The following MS4A18 variants were observed in gnomAD, a reference collection of about 807,000 sequenced individuals.
MS4A18 encodes the protein membrane spanning 4-domains A18.
Under a neutral mutation model 13.1 loss-of-function variants are expected in MS4A18, and 27 were observed. That is an observed-to-expected ratio of 2.06 (90% CI 1.52 to 2.84). MS4A18 has a LOEUF of 2.84. Among genes scored for constraint, MS4A18 ranks in the 30% most tolerant of loss-of-function variants. The pLI is 0.00. For missense variants in MS4A18, 307 were observed against 196.4 expected, an observed-to-expected ratio of 1.56 and a Z score of -3.37; for synonymous variants, 126 against 76.5, an observed-to-expected ratio of 1.65 and a Z score of -3.38.
At chr11:60,727,250 T>G (rs756922274), upstream of MS4A18, among the ~76,000 whole-genome samples, 1 of 152,336 alleles carries the variant, frequency 6.6e-6, no homozygotes, top group East Asian at 1.9e-4. Flanking sequence ...AGAACAAATG[T>G]TAACTGTTCC....
chr11:60,735,488 C>T (rs576471252), intron 2 of MS4A18, among the ~76,000 whole-genome samples: 19 of 148,700 alleles, frequency 1.3e-4, no homozygotes, highest in African/African-American at 4.2e-4. Flanking sequence ...CGCCTGCCAC[C>T]GTGCCCGGCT....
chr11:60,729,342 C>A, exon 1 of MS4A18: 1 of 702,764 alleles, frequency 1.4e-6, no homozygotes, highest in Non-Finnish European at 2.6e-6. Flanking sequence ...TTGGAGCCAA[C>A]AGTGTACCTG....
intron 3 of MS4A18, among the ~76,000 whole-genome samples, chr11:60,737,728 C>G (rs1853361893): frequency 6.6e-6 from 1 of 152,182 alleles, no homozygotes; most frequent in Non-Finnish European, 1.5e-5. Flanking sequence ...TTCTCAGGTC[C>G]TCCTTCCCCT....
At chr11:60,736,940 A>G in intron 2 of MS4A18, 38 bp from the exon 4 acceptor site, 1 of 693,290 alleles carries the variant, frequency 1.4e-6, no homozygotes, top group Non-Finnish European at 2.6e-6. Context: ...CATGCTGCAC[A>G]ATTGGTCATT....
upstream of MS4A18, among the ~76,000 whole-genome samples, chr11:60,725,814 C>T (rs1449633535): frequency 6.6e-6 from 1 of 152,064 alleles, no homozygotes; most frequent in African/African-American, 2.4e-5. Context: ...AGAGAGTTTG[C>T]CCGAGAAATG....
chr11:60,743,732 T>G, exon 6 of MS4A18: 1 of 702,894 alleles, frequency 1.4e-6, no homozygotes, highest in Non-Finnish European at 2.6e-6. Context: ...ACTGGTCCTG[T>G]CAATGCTGCC....
intron 2 of MS4A18, among the ~76,000 whole-genome samples, chr11:60,733,887 A>T (rs534615083): frequency 1.4e-5 from 2 of 147,430 alleles, no homozygotes; most frequent in Non-Finnish European, 3.0e-5. Flanking sequence ...ACTATTGGGT[A>T]CAAACACTCA....
chr11:60,732,504 C>T (rs1238827571), intron 1 of MS4A18, among the ~76,000 whole-genome samples: 5 of 151,764 alleles, frequency 3.3e-5, no homozygotes, highest in Admixed American at 1.3e-4. Context: ...CCGAGGCGGG[C>T]GGTTCACGAG....
chr11:60,741,401 T>C (rs1283453724), intron 5 of MS4A18, among the ~76,000 whole-genome samples: 1 of 152,186 alleles, frequency 6.6e-6, no homozygotes, highest in Non-Finnish European at 1.5e-5. Flanking sequence ...GTATCTTAGC[T>C]TGGGGATGGT....
chr11:60,726,047 G>A (rs945804248), upstream of MS4A18, among the ~76,000 whole-genome samples: 2 of 152,290 alleles, frequency 1.3e-5, 1 homozygote, highest in East Asian at 3.9e-4. Context: ...TATGTCACTG[G>A]TAGAACATTT....
At chr11:60,726,717 C>CTTTTATTTTCTTTTA (rs1554966193), upstream of MS4A18, among the ~76,000 whole-genome samples, 3 of 124,910 alleles carry the variant, frequency 2.4e-5, no homozygotes, top group African/African-American at 9.3e-5. Flanking sequence ...TGGGGTAACA[C>CTTTTATTTTCTTTTA]TTTTATTTTA....
chr11:60,739,600 C>G (rs1398107888), intron 4 of MS4A18, among the ~76,000 whole-genome samples: 1 of 152,182 alleles, frequency 6.6e-6, no homozygotes, highest in Non-Finnish European at 1.5e-5. Context: ...TGTGCCTTAG[C>G]TACACCCTGT....
At position 60,731,515 on chromosome 11, in the gene MS4A18, G is replaced by A. The variant is rs182636941; in HGVS notation, c.477+1723G>A. Among the ~76,000 whole-genome samples, 7 of 152,272 alleles carry A rather than the reference G, an allele frequency of 4.6e-5. No individual in the cohort carries two copies. In the East Asian group the frequency reaches 9.6e-4, roughly 21 times the overall value. The stretch of plus-strand genomic sequence containing the variant: ...CACTTGCAGCTGCAGTATTTAGCCC[G>A]AGATAACTTTGCCAATGTCTCCCTT... On this transcript the variant is annotated intron_variant, in intron 1 of 5. Coordinates refer to ENST00000529108, the Ensembl canonical transcript of MS4A18.
chr11:60,726,123 G>C (rs1399193174), upstream of MS4A18, among the ~76,000 whole-genome samples: 1 of 152,196 alleles, frequency 6.6e-6, no homozygotes, highest in Admixed American at 6.5e-5. Flanking sequence ...TTGAGTCTCA[G>C]ATCTATTCCT....
At chr11:60,744,555 G>A (rs1228403220), downstream of MS4A18, among the ~76,000 whole-genome samples, 1 of 152,166 alleles carries the variant, frequency 6.6e-6, no homozygotes, top group African/African-American at 2.4e-5. Context: ...CAGTTGCTCT[G>A]TGAAAGATCT....
chr11:60,744,063 T>C, exon 6 of MS4A18: 1 of 650,530 alleles, frequency 1.5e-6, no homozygotes, highest in East Asian at 2.7e-5. Flanking sequence ...TGTAGCTGTA[T>C]CTTTTCTTCT....
At chr11:60,744,660 A>G (rs1853461042), downstream of MS4A18, among the ~76,000 whole-genome samples, 1 of 152,120 alleles carries the variant, frequency 6.6e-6, no homozygotes, top group Non-Finnish European at 1.5e-5. Context: ...AACTCTCTAA[A>G]CTCAACAGTA....
At chr11:60,737,523 GCAATACCTGCCTTGAA>G (rs1853359782) in intron 3 of MS4A18, among the ~76,000 whole-genome samples, 1 of 152,174 alleles carries the variant, frequency 6.6e-6, no homozygotes, top group African/African-American at 2.4e-5. Context: ...AAAAGTGAGA[GCAATACCTGCCTTGAA>G]CAATTTAAAG....
chr11:60,725,255 G>A (rs1389874620), upstream of MS4A18, among the ~76,000 whole-genome samples: 3 of 152,222 alleles, frequency 2.0e-5, no homozygotes, highest in South Asian at 2.1e-4. Flanking sequence ...GTGCAGTGGC[G>A]CGATCTCGGC....
Sources: allele counts gnomAD v4.1 joint callset (sites outside exome capture counted in the v4.1 genomes callset), GRCh38; gene constraint gnomAD v4.1.1; transcripts MANE v1.5; gene names NCBI Gene and HGNC (gene_info 2026-07-23, HGNC 2026-07-21).